CA8: variants seen among roughly 807,000 people sequenced by gnomAD.
CA8 encodes the protein carbonic anhydrase 8 (inactive).
CA8 carries 22 observed loss-of-function variants against 41.4 expected under a neutral mutation model. That is an observed-to-expected ratio of 0.53 (90% CI 0.38 to 0.76). The LOEUF (loss-of-function observed/expected upper bound fraction) is 0.76. Ranked by LOEUF, CA8 falls within the 30% of genes least tolerant of loss-of-function variation. The pLI, the probability that CA8 is intolerant of heterozygous loss-of-function variation, is 0.00. For missense variants in CA8, 270 were observed against 352.8 expected, an observed-to-expected ratio of 0.77 and a Z score of 1.88; for synonymous variants, 121 against 130.6, an observed-to-expected ratio of 0.93 and a Z score of 0.50.
intron 3 of CA8, among the ~76,000 whole-genome samples, chr8:60,259,896 T>G (rs577764484): frequency 1.4e-3 from 209 of 151,510 alleles, no homozygotes; most frequent in Non-Finnish European, 2.2e-3. Context: ...ATCATCATCA[T>G]AATAATTATT....
rs536994293 is a variant in CA8, at chr8:60,220,965, G to A, written c.738+1684C>T. Reference sequence around the variant, plus strand: ...GTTTCTTTCTATACAGAATGACTGCGAATGACTACACAGAGAAAAGCCTTC... The same window carrying A: ...GTTTCTTTCTATACAGAATGACTGCAAATGACTACACAGAGAAAAGCCTTC... On this transcript the variant is annotated intron_variant, in intron 7 of 8. Coordinates refer to ENST00000317995, the MANE Select transcript of CA8 (RefSeq NM_004056.6). Among the ~76,000 whole-genome samples the A allele has an allele frequency of 1.2e-4, 18 of 152,222 alleles. No homozygotes were observed. The East Asian group carries it at 2.3e-3, about 20-fold the overall frequency.
At chr8:60,279,574 T>C in intron 2 of CA8, 115 bp downstream of exon 2, 1 of 910,422 alleles carries the variant, frequency 1.1e-6, no homozygotes, top group Non-Finnish European at 1.8e-6. Context: ...AAAGGTATCC[T>C]GAAAATAGAG....
intron 7 of CA8, among the ~76,000 whole-genome samples, chr8:60,210,046 T>C (rs1370783539): frequency 6.6e-6 from 1 of 152,210 alleles, no homozygotes; most frequent in Non-Finnish European, 1.5e-5. Context: ...TGCCACACAG[T>C]CACATGACAC....
At chr8:60,278,731 A>T (rs1199590284) in intron 2 of CA8, among the ~76,000 whole-genome samples, 3 of 152,218 alleles carry the variant, frequency 2.0e-5, no homozygotes, top group Non-Finnish European at 4.4e-5. Context: ...TCTAAATTAA[A>T]GCTTAGAAAC....
intron 2 of CA8, among the ~76,000 whole-genome samples, chr8:60,269,982 G>A (rs1399480788): frequency 2.6e-5 from 4 of 152,198 alleles, no homozygotes; most frequent in Non-Finnish European, 5.9e-5. Flanking sequence ...AAAGTGCATG[G>A]AGAGTAGAGC....
chr8:60,252,329 T>C (rs1808482922), intron 3 of CA8, among the ~76,000 whole-genome samples: 1 of 152,198 alleles, frequency 6.6e-6, no homozygotes, highest in African/African-American at 2.4e-5. Context: ...TCTGCTGGTG[T>C]TGCCTCGGAA....
At chr8:60,262,127 T>C (rs1405343371) in intron 3 of CA8, among the ~76,000 whole-genome samples, 1 of 152,170 alleles carries the variant, frequency 6.6e-6, no homozygotes, top group Non-Finnish European at 1.5e-5. Context: ...TACCAAAAAT[T>C]ACACAGTCCA....
At chr8:60,276,577 T>A (rs186502249) in intron 2 of CA8, among the ~76,000 whole-genome samples, 213 of 152,222 alleles carry the variant, frequency 1.4e-3, no homozygotes, top group Non-Finnish European at 2.1e-3. Flanking sequence ...ATAAAAATAA[T>A]GAGTATTAAT....
At chr8:60,209,016 C>G (rs1248879279) in intron 7 of CA8, 97 bp from the exon 8 acceptor site, 3 of 1,275,860 alleles carry the variant, frequency 2.4e-6, no homozygotes, top group South Asian at 1.3e-5. Context: ...GTATAAATTA[C>G]AAGAATTATT....
intron 7 of CA8, among the ~76,000 whole-genome samples, chr8:60,217,465 G>C (rs1807060885): frequency 6.6e-6 from 1 of 152,078 alleles, no homozygotes; most frequent in Admixed American, 6.5e-5. Context: ...CACTTCTCAA[G>C]ACATTTCCTG....
At chr8:60,260,601 T>C (rs1284345321) in intron 3 of CA8, among the ~76,000 whole-genome samples, 1 of 152,270 alleles carries the variant, frequency 6.6e-6, no homozygotes. Flanking sequence ...ATACTCTTCT[T>C]CATCCAGGCC....
At chr8:60,197,754 A>G (rs1806321880) in intron 8 of CA8, among the ~76,000 whole-genome samples, 1 of 152,184 alleles carries the variant, frequency 6.6e-6, no homozygotes, top group African/African-American at 2.4e-5. Context: ...CATGTGCTAT[A>G]TATGTGGAGA....
chr8:60,215,936 C>T (rs1434655166), intron 7 of CA8, among the ~76,000 whole-genome samples: 1 of 152,160 alleles, frequency 6.6e-6, no homozygotes, highest in Admixed American at 6.5e-5. Context: ...CCAATTCTTT[C>T]CACAATAATA....
intron 8 of CA8, among the ~76,000 whole-genome samples, chr8:60,203,416 T>C (rs1409734262): frequency 6.6e-6 from 1 of 152,232 alleles, no homozygotes; most frequent in African/African-American, 2.4e-5. Context: ...ATCCAGTTTT[T>C]AATAAAGTTT....
At chr8:60,247,009 G>A (rs925973699) in intron 3 of CA8, among the ~76,000 whole-genome samples, 7 of 148,578 alleles carry the variant, frequency 4.7e-5, no homozygotes, top group African/African-American at 9.9e-5. Flanking sequence ...TCAGCCTCCC[G>A]AGTAGCTGGG....
intron 8 of CA8, among the ~76,000 whole-genome samples, chr8:60,197,341 A>G (rs974013714): frequency 3.9e-5 from 6 of 152,176 alleles, no homozygotes; most frequent in Non-Finnish European, 8.8e-5. Context: ...CATTACATAT[A>G]TATGTAACCA....
rs1351269015 is a variant in CA8, at chr8:60,189,493, A to T, written c.*528T>A. 1 of 152,184 alleles carries T rather than the reference A, an allele frequency of 6.6e-6. No individual in the cohort carries two copies. Among genetic ancestry groups the T allele is most frequent in the Non-Finnish European group, 1.5e-5 (1 of 68,024 alleles). The allele number at this position is 152,184 out of a possible 1,614,324, so 9.4% of individuals were successfully genotyped here. On this transcript the variant is annotated 3_prime_UTR_variant, in exon 9 of 9. Coordinates refer to ENST00000317995, the MANE Select transcript of CA8 (RefSeq NM_004056.6). ...ATTGTGGTATGGGTGCTGAAAAAAT[A>T]AAATGAGACATAATTTTACTAATCA...
At chr8:60,194,909 G>A (rs189491563) in intron 8 of CA8, among the ~76,000 whole-genome samples, 58 of 152,206 alleles carry the variant, frequency 3.8e-4, no homozygotes, top group Admixed American at 1.8e-3. Context: ...AACAAAATTA[G>A]TTGCCTACCT....
At chr8:60,261,608 C>A (rs1167698937) in intron 3 of CA8, among the ~76,000 whole-genome samples, 1 of 152,156 alleles carries the variant, frequency 6.6e-6, no homozygotes, top group Non-Finnish European at 1.5e-5. Flanking sequence ...ATTTATGAGT[C>A]CATGCCTTAT....
Sources: allele counts gnomAD v4.1 joint callset (sites outside exome capture counted in the v4.1 genomes callset), GRCh38; gene constraint gnomAD v4.1.1; transcripts MANE v1.5; gene names NCBI Gene and HGNC (gene_info 2026-07-23, HGNC 2026-07-21).